The following SCN4B variants were observed in gnomAD, a reference collection of about 807,000 sequenced individuals.
The protein encoded by SCN4B is sodium channel regulatory subunit beta-4.
Under a neutral mutation model 19.6 loss-of-function variants are expected in SCN4B, and 20 were observed. The ratio of observed to expected loss-of-function variants is 1.02; its 90% confidence interval spans 0.72 to 1.48. The LOEUF is 1.48. Ranked by LOEUF, SCN4B falls within the 40% of genes most tolerant of loss-of-function variation. The pLI is 0.00. For synonymous variants in SCN4B, 127 were observed against 122.8 expected (o/e 1.03, Z -0.22); for missense variants, 271 against 287.5 (o/e 0.94, Z 0.42).
chr11:118,152,360 C>T (rs1948242057), intron 1 of SCN4B, among the ~76,000 whole-genome samples: 1 of 152,142 alleles, frequency 6.6e-6, no homozygotes, highest in Non-Finnish European at 1.5e-5. Context: ...ATACCTGGAG[C>T]CGAAGGTGCC....
intron 4 of SCN4B, among the ~76,000 whole-genome samples, chr11:118,140,798 C>T (rs963445956): frequency 1.3e-5 from 2 of 152,212 alleles, no homozygotes; most frequent in Admixed American, 1.3e-4. Flanking sequence ...TTCCCATCTC[C>T]CTAGAAGAGT....
At chr11:118,147,914 A>C (rs1443948551) in intron 1 of SCN4B, among the ~76,000 whole-genome samples, 1 of 152,206 alleles carries the variant, frequency 6.6e-6, no homozygotes, top group Non-Finnish European at 1.5e-5. Flanking sequence ...CCAGAAAGAG[A>C]TATTCAAGAG....
intron 1 of SCN4B, 46 bp downstream of exon 1, chr11:118,152,567 G>A: frequency 6.6e-7 from 1 of 1,506,190 alleles, no homozygotes; most frequent in Non-Finnish European, 9.2e-7. Context: ...CCCTTCTTTG[G>A]GGGTGGGGGG....
chr11:118,148,211 A>C lies in SCN4B; in HGVS notation c.62-2982T>G, dbSNP rs779578199. 6.6e-6 allele frequency among the ~76,000 whole-genome samples: 1 copy of C among 152,240 alleles called. No homozygotes were observed. Among genetic ancestry groups the C allele is most frequent in the Non-Finnish European group, 1.5e-5 (1 of 68,038 alleles). ...TCCAGAGCCCTGCCCGAGTGAAAGC[A>C]TCAGAGAGGGTGGGCAAGCCTGGCT... On this transcript the variant is annotated intron_variant, in intron 1 of 4. Coordinates refer to ENST00000324727, the MANE Select transcript of SCN4B (RefSeq NM_174934.4). This position sits in a 1 kb window ranked among gnomAD's most constrained non-coding sequence, Gnocchi z 4.0.
At position 118,133,571 on chromosome 11, in the gene SCN4B, G is replaced by C. The variant is rs960346613; in HGVS notation, c.*3456C>G. The C allele has an allele frequency of 1.1e-5, 5 of 454,394 alleles. No individual in the cohort carries two copies. The highest frequency in any genetic ancestry group is 1.0e-4 in the African/African-American group (5 of 50,002). 28.1% of individuals were successfully genotyped at this position (454,394 alleles called of 1,614,324 possible). ...CCCAAGGCCTGTTGTTGCATCATTTGATCTATAGTTACATAGGAAAATTGA... is the reference window on the plus strand; with the variant it reads ...CCCAAGGCCTGTTGTTGCATCATTTCATCTATAGTTACATAGGAAAATTGA... On this transcript the variant is annotated 3_prime_UTR_variant, in exon 5 of 5. Coordinates refer to ENST00000324727, the MANE Select transcript of SCN4B (RefSeq NM_174934.4).
rs140249927 is a variant in SCN4B at position 118,143,578 on chromosome 11, G to T, written c.463+255C>A. On this transcript the variant is annotated intron_variant, in intron 3 of 4. Coordinates refer to ENST00000324727, the MANE Select transcript of SCN4B (RefSeq NM_174934.4). The stretch of plus-strand genomic sequence containing the variant: ...GGTAGCTTCTCTAACCACAACTCTA[G>T]GAAAATGAAGCCATATTCCCATTTT... 1.4e-4 allele frequency among the ~76,000 whole-genome samples: 22 copies of T among 152,112 alleles called. No individual in the cohort carries two copies. The East Asian group carries it at 4.1e-3, about 28-fold the overall frequency.
intron 4 of SCN4B, among the ~76,000 whole-genome samples, chr11:118,139,901 C>CTTT (rs778719637): frequency 9.6e-6 from 1 of 104,602 alleles, no homozygotes; most frequent in South Asian, 2.7e-4. Context: ...TTTTTTTTTT[C>CTTT]TTTTTTCTTT....
chr11:118,152,491 A>G (rs1948243880), intron 1 of SCN4B, 122 bp downstream of exon 1: 1 of 824,248 alleles, frequency 1.2e-6, no homozygotes, highest in Non-Finnish European at 2.0e-6. Flanking sequence ...GCCGGCGGCC[A>G]CCATCCTCAT....
At chr11:118,147,555 G>A (rs1948192997) in intron 1 of SCN4B, among the ~76,000 whole-genome samples, 1 of 152,114 alleles carries the variant, frequency 6.6e-6, no homozygotes, top group Non-Finnish European at 1.5e-5. Flanking sequence ...TAGAACTCCT[G>A]CCTTTCTGTT....
rs956690911 is a variant in SCN4B, at chr11:118,135,082, G to GT, written c.*1944dup. 1.1e-5 allele frequency: 5 copies of GT among 454,154 alleles called. No homozygotes were observed. The highest frequency in any genetic ancestry group is 1.4e-3 in the Middle Eastern group (2 of 1,444). The allele number at this position is 454,154 out of a possible 1,614,324, so 28.1% of individuals were successfully genotyped here. On this transcript the variant is annotated 3_prime_UTR_variant, in exon 5 of 5. Coordinates refer to ENST00000324727, the MANE Select transcript of SCN4B (RefSeq NM_174934.4). ...ACCATTGAGAAGGAAGAAGAAAACAGTTTTGCATGAAGGTAGCTATAAGAA... is the reference window on the plus strand; with the variant it reads ...ACCATTGAGAAGGAAGAAGAAAACAGTTTTTGCATGAAGGTAGCTATAAGAA...
In SCN4B at chr11:118,133,885, A is replaced by G. The variant is rs1225499369; in HGVS notation, c.*3142T>C. 2.2e-6 allele frequency: 1 copy of G among 454,312 alleles called. No individual in the cohort carries two copies. The highest frequency in any genetic ancestry group is 4.4e-6 in the Non-Finnish European group (1 of 226,792). 28.1% of individuals were successfully genotyped at this position (454,312 alleles called of 1,614,324 possible). On this transcript the variant is annotated 3_prime_UTR_variant, in exon 5 of 5. Coordinates refer to ENST00000324727, the MANE Select transcript of SCN4B (RefSeq NM_174934.4). ...TCTTTCTCAGTCTCCAGATGCCTCA[A>G]CAGGCATAGCTCAGGCCAAGAAAGA...
chr11:118,142,309 G>A (rs1279915689), intron 3 of SCN4B, among the ~76,000 whole-genome samples: 1 of 152,206 alleles, frequency 6.6e-6, no homozygotes, highest in African/African-American at 2.4e-5. Flanking sequence ...AGCCTGCTGT[G>A]ATTCTTCACG....
At chr11:118,144,840 A>G (rs1948147832) in intron 2 of SCN4B, among the ~76,000 whole-genome samples, 1 of 152,172 alleles carries the variant, frequency 6.6e-6, no homozygotes, top group Non-Finnish European at 1.5e-5. Flanking sequence ...CTAGCCAAGA[A>G]TTCCAACAGT....
intron 4 of SCN4B, 27 bp downstream of exon 4, chr11:118,141,180 A>T (rs376040523): frequency 9.3e-6 from 15 of 1,612,378 alleles, no homozygotes; most frequent in African/African-American, 4.0e-5. Flanking sequence ...TGCTGGGAGG[A>T]CAGGAGTGTG....
chr11:118,150,926 G>C (rs1948227545), intron 1 of SCN4B, among the ~76,000 whole-genome samples: 1 of 152,168 alleles, frequency 6.6e-6, no homozygotes, highest in African/African-American at 2.4e-5. Context: ...CAGTCCTGGG[G>C]CCTGCAGGTC....
intron 2 of SCN4B, among the ~76,000 whole-genome samples, chr11:118,144,721 CT>C (rs1383733005): frequency 2.0e-5 from 3 of 152,308 alleles, no homozygotes; most frequent in South Asian, 4.1e-4. Context: ...CTCATTCCTT[CT>C]CTCCAAGCTT....
At chr11:118,147,260 G>GC (rs1948189070) in intron 1 of SCN4B, among the ~76,000 whole-genome samples, 1 of 152,146 alleles carries the variant, frequency 6.6e-6, no homozygotes, top group East Asian at 1.9e-4. Flanking sequence ...GAGTTGACTT[G>GC]CCCAGGGCCA....
At chr11:118,143,618 C>T (rs931552624) in intron 3 of SCN4B, among the ~76,000 whole-genome samples, 3 of 72,516 alleles carry the variant, frequency 4.1e-5, no homozygotes, top group African/African-American at 6.9e-5. Context: ...ATGAGGAAAA[C>T]GAGGCTTAGA....
Position 118,134,314 on chromosome 11 carries a change from G to T in SCN4B, c.*2713C>A. The stretch of plus-strand genomic sequence containing the variant: ...AGCTGCATGTGGCCAGGTCTCTCAA[G>T]ATCGACTTTGTAAGTGGCTCTCTCT... On this transcript the variant is annotated 3_prime_UTR_variant, in exon 5 of 5. Coordinates refer to ENST00000324727, the MANE Select transcript of SCN4B (RefSeq NM_174934.4). The T allele has an allele frequency of 2.2e-6, 1 of 454,130 alleles. No individual in the cohort carries two copies. 28.1% of individuals were successfully genotyped at this position (454,130 alleles called of 1,614,324 possible).
Sources: gnomAD v4.1 joint callset for allele counts (sites outside exome capture counted in the v4.1 genomes callset) on GRCh38, gnomAD v4.1.1 for gene constraint, Gnocchi (gnomAD v3.1) non-coding constraint, MANE v1.5 for transcripts, NCBI Gene and HGNC (gene_info 2026-07-23, HGNC 2026-07-21) for gene names.